Variants in ARHGAP29 observed in about 807,000 individuals in gnomAD.
ARHGAP29 encodes Rho GTPase activating protein 29, also known as rho GTPase-activating protein 29.
In ARHGAP29, 43 loss-of-function variants were observed where a neutral mutation model predicts 122.6. That is an observed-to-expected ratio of 0.35 (90% CI 0.27 to 0.45). The LOEUF (loss-of-function observed/expected upper bound fraction) is 0.45, where lower values mean the gene tolerates loss of function less well. ARHGAP29 is among the 20% of genes least tolerant of loss of function. The probability of loss-of-function intolerance (pLI) is 1.00; values close to 1 mark genes in which losing one functional copy is unlikely to be tolerated. For missense variants in ARHGAP29, 1,303 were observed against 1,477.2 expected, an observed-to-expected ratio of 0.88 and a Z score of 1.93; for synonymous variants, 506 against 497.1, an observed-to-expected ratio of 1.02 and a Z score of -0.24.
chr1:94,244,481 G>A (rs1486566468), intron 1 of ARHGAP29, among the ~76,000 whole-genome samples: 2 of 119,784 alleles, frequency 1.7e-5, no homozygotes, highest in Non-Finnish European at 3.6e-5. Context: ...TCTTCTATCT[G>A]ATAAAGGGCA....
At chr1:94,287,816 G>A in the ARHGAP29 span, among the ~76,000 whole-genome samples, 1,503 of 151,414 alleles carry the variant, frequency 9.9e-3, 23 homozygotes, top group African/African-American at 0.034. Context: ...CCATGTCCCT[G>A]CAAAGGACAT....
At chr1:94,214,250 C>G (rs1014351687) in intron 3 of ARHGAP29, among the ~76,000 whole-genome samples, 9 of 152,206 alleles carry the variant, frequency 5.9e-5, no homozygotes, top group Non-Finnish European at 2.9e-5. Context: ...TCAGTAAACA[C>G]AAGCTCTGTT....
At chr1:94,232,699 T>G (rs917464741) in intron 1 of ARHGAP29, among the ~76,000 whole-genome samples, 1 of 152,212 alleles carries the variant, frequency 6.6e-6, no homozygotes, top group Non-Finnish European at 1.5e-5. Context: ...TAGCTGGAAC[T>G]CAAGAAAATC....
chr1:94,289,751 A>G, the ARHGAP29 span, among the ~76,000 whole-genome samples: 1 of 152,152 alleles, frequency 6.6e-6, no homozygotes, highest in African/African-American at 2.4e-5. Flanking sequence ...TGAGATAATC[A>G]TGTGGTTTTT....
At position 94,185,540 on chromosome 1, in the gene ARHGAP29, T is replaced by C. The variant is rs1649745540; in HGVS notation, c.1781-59A>G. The C allele has an allele frequency of 3.6e-6, 5 of 1,388,614 alleles. No individual in the cohort carries two copies. In the East Asian group the frequency reaches 7.7e-5, roughly 21 times the overall value. 86.0% of individuals were successfully genotyped at this position (1,388,614 alleles called of 1,614,324 possible). ...ATGATAGAAAAATTATACCATGTGA[T>C]ATCATATTTTGAATAATCTTTAAAC... is the stretch of plus-strand genomic sequence containing the variant. On this transcript the variant is annotated intron_variant, in intron 16 of 22. Coordinates refer to ENST00000260526, the MANE Select transcript of ARHGAP29 (RefSeq NM_004815.4).
At chr1:94,302,126 T>C in the ARHGAP29 span, 1 of 275,394 alleles carries the variant, frequency 3.6e-6, no homozygotes, top group Non-Finnish European at 7.1e-6. Context: ...AAAGTGGATA[T>C]CATCACCATC....
intron 1 of ARHGAP29, among the ~76,000 whole-genome samples, chr1:94,254,220 C>T (rs550110131): frequency 6.6e-6 from 1 of 152,270 alleles, no homozygotes; most frequent in East Asian, 1.9e-4. Flanking sequence ...GATTGACACC[C>T]TTTACCTTAT....
intron 22 of ARHGAP29, among the ~76,000 whole-genome samples, chr1:94,176,150 A>G (rs1288717295): frequency 6.6e-6 from 1 of 152,252 alleles, no homozygotes; most frequent in African/African-American, 2.4e-5. Context: ...AGAAGAGCAC[A>G]GACTCTGAAG....
chr1:94,260,723 A>G (rs1172160881), intron 1 of ARHGAP29, among the ~76,000 whole-genome samples: 3 of 152,198 alleles, frequency 2.0e-5, no homozygotes, highest in Admixed American at 6.5e-5. Context: ...AGCTGAGGCC[A>G]TGAGACAAAG....
intron 16 of ARHGAP29, among the ~76,000 whole-genome samples, chr1:94,186,039 A>C (rs770329152): frequency 6.6e-6 from 1 of 152,174 alleles, no homozygotes; most frequent in Non-Finnish European, 1.5e-5. Flanking sequence ...AATTTATATG[A>C]ATCTAATTCA....
chr1:94,202,503 C>T lies in ARHGAP29; in HGVS notation c.1143+41G>A, dbSNP rs373221986. Reference sequence around the variant, plus strand: ...TGACACCAAACTCCTGGCAGATTACCGCTAATTCAACTTGCAAATAAAAAA... The same window carrying T: ...TGACACCAAACTCCTGGCAGATTACTGCTAATTCAACTTGCAAATAAAAAA... On this transcript the variant is annotated intron_variant, in intron 11 of 22. Coordinates refer to ENST00000260526, the MANE Select transcript of ARHGAP29 (RefSeq NM_004815.4). 303 of 1,605,950 alleles carry T rather than the reference C, an allele frequency of 1.9e-4. 1 individual carries two copies. The highest frequency in any genetic ancestry group is 2.9e-4 in the Admixed American group (17 of 59,606).
chr1:94,290,182 C>A, the ARHGAP29 span, among the ~76,000 whole-genome samples: 4 of 152,044 alleles, frequency 2.6e-5, no homozygotes, highest in Admixed American at 6.6e-5. Context: ...TGTTATTGGT[C>A]TATTCAGGTG....
rs143115953 is a variant in ARHGAP29, at chr1:94,195,215, A to C, written c.1282-5132T>G. 1.1e-4 allele frequency: 16 copies of C among 152,150 alleles called. No homozygotes were observed. The East Asian group carries it at 2.9e-3, about 28-fold the overall frequency. 9.4% of individuals were successfully genotyped at this position (152,150 alleles called of 1,614,324 possible). A position where few individuals can be genotyped will look rare whatever the true frequency, so the allele number is the denominator to read the frequency against. ...AATCTCAGTTTTGGTTCATTTATTA[A>C]ACTTTTCTCTCATTTTATAAGAACA... On this transcript the variant is annotated intron_variant, in intron 12 of 22. Transcript: ENST00000260526.
At position 94,172,876 on chromosome 1, in the gene ARHGAP29, T is replaced by C. The variant is rs1174148502; in HGVS notation, c.*993A>G. 1 of 152,506 alleles carries C rather than the reference T, an allele frequency of 6.6e-6. No homozygotes were observed. Among genetic ancestry groups the C allele is most frequent in the Admixed American group, 6.6e-5 (1 of 15,266 alleles). The allele number at this position is 152,506 out of a possible 1,614,324, so 9.4% of individuals were successfully genotyped here. On this transcript the variant is annotated 3_prime_UTR_variant, in exon 23 of 23. Transcript: ENST00000260526. ...ACTGACCTGTACTCTCAGAATCAAC[T>C]TAAATAAATTTTAGCTTGATTTGGA... is the stretch of plus-strand genomic sequence containing the variant.
chr1:94,287,902 T>C, the ARHGAP29 span, among the ~76,000 whole-genome samples: 1 of 152,242 alleles, frequency 6.6e-6, no homozygotes, highest in South Asian at 2.1e-4. Context: ...CAGTCTATTA[T>C]TGATGGACAT....
chr1:94,256,120 A>G (rs1469771531), intron 1 of ARHGAP29, among the ~76,000 whole-genome samples: 4 of 152,318 alleles, frequency 2.6e-5, no homozygotes, highest in Middle Eastern at 3.4e-3. Flanking sequence ...AAATTACACT[A>G]CAAGTTAATA....
At chr1:94,302,496 G>T in the ARHGAP29 span, 1 of 348,736 alleles carries the variant, frequency 2.9e-6, no homozygotes, top group South Asian at 2.3e-5. Context: ...TAACCTCCTG[G>T]CCAAGGTCAT....
chr1:94,202,870 T>A (rs1370555844), intron 10 of ARHGAP29, 48 bp downstream of exon 10: 1 of 1,562,648 alleles, frequency 6.4e-7, no homozygotes, highest in African/African-American at 1.4e-5. Flanking sequence ...CTGCAGATTA[T>A]TTTAAATGTT....
chr1:94,312,257 G>C, the ARHGAP29 span, among the ~76,000 whole-genome samples: 1 of 151,582 alleles, frequency 6.6e-6, no homozygotes, highest in African/African-American at 2.4e-5. Flanking sequence ...ACTCCACATT[G>C]CCAAATCCAG....
Sources: gnomAD v4.1 joint callset for allele counts (sites outside exome capture counted in the v4.1 genomes callset) on GRCh38, gnomAD v4.1.1 for gene constraint, MANE v1.5 for transcripts, NCBI Gene and HGNC (gene_info 2026-07-23, HGNC 2026-07-21) for gene names.